The following TRPM3 variants were observed in gnomAD, a reference collection of about 807,000 sequenced individuals.
TRPM3 encodes long transient receptor potential channel 3.
Under a neutral mutation model 181.2 loss-of-function variants are expected in TRPM3, and 77 were observed. That is an observed-to-expected ratio of 0.42 (90% CI 0.35 to 0.51). The LOEUF (loss-of-function observed/expected upper bound fraction) is 0.51, where lower values mean the gene tolerates loss of function less well. TRPM3 is among the 20% of genes least tolerant of loss of function. The pLI is 0.01. For synonymous variants in TRPM3, 745 were observed against 796.4 expected, an observed-to-expected ratio of 0.94 and a Z score of 1.09; for missense variants, 1,759 against 2,196.7, an observed-to-expected ratio of 0.80 and a Z score of 3.98.
At chr9:70,909,352 C>T (rs1290517286) in intron 1 of TRPM3, among the ~76,000 whole-genome samples, 1 of 152,136 alleles carries the variant, frequency 6.6e-6, no homozygotes, top group Non-Finnish European at 1.5e-5. Context: ...TTACAAGTAG[C>T]CTCTAGGTAA....
intron 1 of TRPM3, among the ~76,000 whole-genome samples, chr9:70,969,108 A>G (rs1171047754): frequency 1.3e-5 from 2 of 152,184 alleles, no homozygotes; most frequent in Non-Finnish European, 1.5e-5. Flanking sequence ...TTTGCAATCT[A>G]TCCATCTGAC....
chr9:71,445,078 A>AAAG (rs1223243770), intron 1 of TRPM3, among the ~76,000 whole-genome samples: 5 of 152,208 alleles, frequency 3.3e-5, no homozygotes, highest in Non-Finnish European at 7.3e-5. Flanking sequence ...GTACCCTCTT[A>AAAG]GGCTCTTTTC....
intron 9 of TRPM3, among the ~76,000 whole-genome samples, chr9:70,675,532 C>T (rs180839490): frequency 1.3e-5 from 2 of 152,202 alleles, no homozygotes; most frequent in African/African-American, 4.8e-5. Flanking sequence ...AGATCAGAAA[C>T]ACATAAAATA....
At chr9:71,397,888 A>C (rs1026720961) in intron 1 of TRPM3, among the ~76,000 whole-genome samples, 1 of 152,074 alleles carries the variant, frequency 6.6e-6, no homozygotes, top group Non-Finnish European at 1.5e-5. Context: ...TGTAGATCTG[A>C]ACCTTGACTG....
chr9:71,322,959 C>T (rs535865945), intron 1 of TRPM3, among the ~76,000 whole-genome samples: 7 of 152,056 alleles, frequency 4.6e-5, no homozygotes, highest in African/African-American at 7.2e-5. Flanking sequence ...AAAAGATCAG[C>T]CACTTTCATT....
chr9:70,677,015 C>T (rs558552558), intron 9 of TRPM3, among the ~76,000 whole-genome samples: 1 of 146,992 alleles, frequency 6.8e-6, no homozygotes, highest in African/African-American at 2.5e-5. Flanking sequence ...ACCCTTATTC[C>T]AGAAGAGATC....
At chr9:70,577,247 T>C (rs112617704) in intron 22 of TRPM3, among the ~76,000 whole-genome samples, 2 of 152,194 alleles carry the variant, frequency 1.3e-5, no homozygotes, top group African/African-American at 4.8e-5. Flanking sequence ...AAATGCATGA[T>C]GTGGTCCAGG....
chr9:71,335,292 A>G (rs995669422), intron 1 of TRPM3, among the ~76,000 whole-genome samples: 18 of 152,170 alleles, frequency 1.2e-4, no homozygotes, highest in Non-Finnish European at 2.6e-4. Flanking sequence ...AACCCTGGGT[A>G]GGAGTTTGGC....
chr9:71,259,584 C>T (rs913910525), intron 1 of TRPM3, among the ~76,000 whole-genome samples: 1 of 152,174 alleles, frequency 6.6e-6, no homozygotes, highest in African/African-American at 2.4e-5. Flanking sequence ...GATCACTATT[C>T]TAACTGGTGT....
intron 1 of TRPM3, among the ~76,000 whole-genome samples, chr9:71,074,039 A>G (rs147731422): frequency 1.1e-4 from 16 of 152,206 alleles, no homozygotes; most frequent in Non-Finnish European, 1.5e-4. Flanking sequence ...ATAATAAGTA[A>G]CTTCAAGAGT....
chr9:70,969,190 C>A (rs952028486), intron 1 of TRPM3, among the ~76,000 whole-genome samples: 1 of 151,786 alleles, frequency 6.6e-6, no homozygotes, highest in African/African-American at 2.4e-5. Context: ...AACCAAACAC[C>A]GCATGTTCTC....
chr9:71,262,456 TG>T (rs2083124945), intron 1 of TRPM3, among the ~76,000 whole-genome samples: 1 of 152,234 alleles, frequency 6.6e-6, no homozygotes, highest in East Asian at 1.9e-4. Context: ...CTGGGCTCTG[TG>T]GGGGTGGGAT....
At chr9:71,003,041 AC>A (rs897879044) in intron 1 of TRPM3, among the ~76,000 whole-genome samples, 30 of 152,242 alleles carry the variant, frequency 2.0e-4, no homozygotes, top group African/African-American at 6.0e-4. Flanking sequence ...AAACTAATCT[AC>A]TGGCTTTTAT....
chr9:70,961,422 G>A (rs189628949), intron 1 of TRPM3, among the ~76,000 whole-genome samples: 62 of 152,154 alleles, frequency 4.1e-4, no homozygotes, highest in Middle Eastern at 3.4e-3. Flanking sequence ...GCAGCAATAG[G>A]AAACAATAGG....
At position 71,080,505 on chromosome 9, in the gene TRPM3, T is replaced by G. The variant is rs373827455; in HGVS notation, c.177+40673A>C. ...TAGCCATATTGACATTCTTAGTAAG[T>G]TTATTTTGTGATGTGGATTCTGTGT... On this transcript the variant is annotated intron_variant, in intron 1 of 25. Coordinates refer to ENST00000677713, the MANE Select transcript of TRPM3 (RefSeq NM_001366145.2). 2.2e-4 allele frequency among the ~76,000 whole-genome samples: 33 copies of G among 152,222 alleles called. No homozygotes were observed. The East Asian group carries it at 5.0e-3, about 23-fold the overall frequency.
intron 1 of TRPM3, among the ~76,000 whole-genome samples, chr9:70,989,047 C>G (rs1446258555): frequency 6.6e-6 from 1 of 152,136 alleles, no homozygotes; most frequent in Non-Finnish European, 1.5e-5. Context: ...TCATGCTGTG[C>G]CAGACTTCCA....
chr9:70,883,239 G>A (rs1229938347), intron 1 of TRPM3, among the ~76,000 whole-genome samples: 2 of 152,082 alleles, frequency 1.3e-5, no homozygotes, highest in Non-Finnish European at 2.9e-5. Flanking sequence ...TGACTCAGGA[G>A]CAAAAAATCC....
At chr9:71,045,091 TTTA>T (rs937533831) in intron 1 of TRPM3, among the ~76,000 whole-genome samples, 1 of 151,140 alleles carries the variant, frequency 6.6e-6, no homozygotes, top group Admixed American at 6.6e-5. Context: ...ATTTTTACTA[TTTA>T]TTATTATTAT....
chr9:71,168,610 T>A (rs1375770484), intron 1 of TRPM3, among the ~76,000 whole-genome samples: 1 of 126,406 alleles, frequency 7.9e-6, no homozygotes, highest in East Asian at 2.5e-4. Context: ...TTTTTATTTA[T>A]TTTTTTATTA....
Sources: allele counts gnomAD v4.1 joint callset (sites outside exome capture counted in the v4.1 genomes callset), GRCh38; gene constraint gnomAD v4.1.1; transcripts MANE v1.5; gene names NCBI Gene and HGNC (gene_info 2026-07-23, HGNC 2026-07-21).